Variants in SLF1 observed in about 807,000 individuals in gnomAD.
The protein encoded by SLF1 is SMC5/6 complex localization factor 1.
Under a neutral mutation model 123.0 loss-of-function variants are expected in SLF1, and 105 were observed. That is an observed-to-expected ratio of 0.85 (90% confidence interval 0.73 to 1.00). SLF1 has a LOEUF of 1.00. SLF1 is among the 50% of genes least tolerant of loss of function. The pLI is 0.00. For missense variants in SLF1, 1,239 were observed against 1,223.0 expected, an observed-to-expected ratio of 1.01 and a Z score of -0.20; for synonymous variants, 434 against 406.6, an observed-to-expected ratio of 1.07 and a Z score of -0.81.
intron 9 of SLF1, among the ~76,000 whole-genome samples, chr5:94,655,440 T>G (rs1748261499): frequency 6.6e-6 from 1 of 152,168 alleles, no homozygotes. Flanking sequence ...TAGGGTCTTT[T>G]GCAGTTGTTT....
At chr5:94,645,101 G>C (rs1746868584) in intron 5 of SLF1, among the ~76,000 whole-genome samples, 1 of 152,160 alleles carries the variant, frequency 6.6e-6, no homozygotes. Flanking sequence ...TCACTAGTTA[G>C]GAATGAGCAT....
intron 15 of SLF1, among the ~76,000 whole-genome samples, chr5:94,679,535 G>A (rs1025712696): frequency 6.6e-6 from 1 of 151,902 alleles, no homozygotes; most frequent in African/African-American, 2.4e-5. Context: ...AGGGCTGCAG[G>A]GAGCCATGAT....
chr5:94,653,899 G>A (rs945360619), intron 8 of SLF1, among the ~76,000 whole-genome samples: 3 of 151,694 alleles, frequency 2.0e-5, no homozygotes, highest in Admixed American at 6.6e-5. Flanking sequence ...GGCTGGATGC[G>A]GTGGCTCACA....
intron 3 of SLF1, chr5:94,629,640 C>T (rs892160584): frequency 2.0e-5 from 3 of 151,694 alleles, no homozygotes; most frequent in Admixed American, 6.6e-5. Flanking sequence ...TTAGTCTTCT[C>T]CTCTATCGTT....
intron 15 of SLF1, among the ~76,000 whole-genome samples, chr5:94,684,899 A>G (rs959123581): frequency 1.3e-5 from 2 of 152,188 alleles, no homozygotes; most frequent in Non-Finnish European, 1.5e-5. Context: ...AGTCAAGGCA[A>G]GTTTCTCAGC....
At chr5:94,640,291 T>C (rs1192481412) in intron 4 of SLF1, among the ~76,000 whole-genome samples, 1 of 152,198 alleles carries the variant, frequency 6.6e-6, no homozygotes, top group Admixed American at 6.5e-5. Flanking sequence ...TTCACTTTAA[T>C]TCGTAATTAA....
chr5:94,643,232 A>C (rs1271952219), intron 4 of SLF1, 41 bp from the exon 5 acceptor site: 1 of 1,416,720 alleles, frequency 7.1e-7, no homozygotes. Flanking sequence ...AAAGAAACTC[A>C]AATTTTCTAA....
In SLF1 at chr5:94,679,043, T is replaced by C. The variant is rs911952924; in HGVS notation, c.1975+88T>C. ...TAAGCAGTCTGTAAGCTTTAACATA[T>C]GTTCATTTGAAACTTTCCTTAAAAT... On this transcript the variant is annotated intron_variant, in intron 15 of 20. Transcript: ENST00000265140. 5 of 1,450,798 alleles carry C rather than the reference T, an allele frequency of 3.4e-6. No homozygotes were observed. In the Admixed American group the frequency reaches 8.3e-5, roughly 24 times the overall value. The allele number at this position is 1,450,798 out of a possible 1,614,324, so 89.9% of individuals were successfully genotyped here. A position where few individuals can be genotyped will look rare whatever the true frequency, so the allele number is the denominator to read the frequency against.
intron 14 of SLF1, among the ~76,000 whole-genome samples, chr5:94,672,562 G>A (rs430555): frequency 0.89 from 135,428 of 151,426 alleles, 60,805 homozygotes; most frequent in African/African-American, 0.97. Flanking sequence ...TAGTATTTTC[G>A]TCCAGTTTTT....
intron 14 of SLF1, among the ~76,000 whole-genome samples, chr5:94,676,940 A>G (rs1470683123): frequency 6.6e-6 from 1 of 152,236 alleles, no homozygotes; most frequent in Non-Finnish European, 1.5e-5. Flanking sequence ...GGGCAGGAGA[A>G]ACAAATCCAG....
chr5:94,660,287 C>T (rs993886046), intron 9 of SLF1, among the ~76,000 whole-genome samples: 42 of 152,272 alleles, frequency 2.8e-4, no homozygotes, highest in African/African-American at 7.2e-5. Flanking sequence ...TGACGGTGGG[C>T]GTGGCTGCCA....
At chr5:94,657,074 C>T (rs546440143) in intron 9 of SLF1, among the ~76,000 whole-genome samples, 2 of 149,090 alleles carry the variant, frequency 1.3e-5, no homozygotes, top group South Asian at 2.1e-4. Context: ...TTTATTATTT[C>T]CTTCTACTAA....
intron 9 of SLF1, among the ~76,000 whole-genome samples, chr5:94,655,776 C>G (rs1472572108): frequency 6.6e-6 from 1 of 151,852 alleles, no homozygotes; most frequent in East Asian, 1.9e-4. Flanking sequence ...AGAAATGCTA[C>G]TGATTTTTGA....
In SLF1 at chr5:94,663,783, A is replaced by C. The variant is rs755740764; in HGVS notation, c.1243A>C (p.Asn415His). The C allele has an allele frequency of 1.3e-6, 2 of 1,546,000 alleles. No homozygotes were observed. Among genetic ancestry groups the C allele is most frequent in the Admixed American group, 4.0e-5 (2 of 49,984 alleles). The stretch of plus-strand genomic sequence containing the variant: ...TGCTGAATTTCCCAGAGGTGTATTA[A>C]ATTTAATTGAAAGCCTCATAGAAGG... ...KNAEFPRGVL[N>H]LIESLIEGHF... Residue 415 changes from asparagine to histidine, a missense_variant, in exon 11 of 21, where the codon AAT (asparagine) becomes CAT (histidine). Transcript: ENST00000265140.
At chr5:94,681,560 A>G (rs1041006209) in intron 15 of SLF1, among the ~76,000 whole-genome samples, 1 of 152,160 alleles carries the variant, frequency 6.6e-6, no homozygotes, top group Non-Finnish European at 1.5e-5. Context: ...GGTAAGTTAC[A>G]TATGTATACA....
intron 16 of SLF1, among the ~76,000 whole-genome samples, chr5:94,687,660 G>A (rs1375316513): frequency 1.3e-5 from 2 of 151,866 alleles, no homozygotes; most frequent in African/African-American, 4.8e-5. Context: ...CCACTGTACT[G>A]TAGCCTAGGT....
intron 1 of SLF1, among the ~76,000 whole-genome samples, chr5:94,623,916 A>T (rs1561415162): frequency 6.6e-6 from 1 of 152,178 alleles, no homozygotes; most frequent in Non-Finnish European, 1.5e-5. Context: ...TTCCTGTGTA[A>T]CTGCATGAAT....
intron 15 of SLF1, among the ~76,000 whole-genome samples, chr5:94,683,715 G>C (rs1401104704): frequency 6.6e-6 from 1 of 152,208 alleles, no homozygotes; most frequent in Non-Finnish European, 1.5e-5. Flanking sequence ...AGGGTTAAGG[G>C]AGTTTGTGTA....
At position 94,654,729 on chromosome 5, in the gene SLF1, A is replaced by G; in HGVS notation, c.1132A>G (p.Arg378Gly). The change falls in exon 9 of 21, where the codon AGG becomes GGG. Residue 378 changes from arginine (R) to glycine (G), a missense_variant. By Grantham distance (125) the Arg-to-Gly change is moderately radical. Coordinates refer to ENST00000265140, the MANE Select transcript of SLF1 (RefSeq NM_032290.4). ...VDVVEIKNTL[R>G]KHIYRAQAVR... ...TGTTGTTGAAATAAAAAATACCTTA[A>G]GGAAGCACATATATAGAGCTCAGGT... is the stretch of plus-strand genomic sequence containing the variant. 1 of 1,540,316 alleles carries G rather than the reference A, an allele frequency of 6.5e-7. No individual in the cohort carries two copies. Among genetic ancestry groups the G allele is most frequent in the Non-Finnish European group, 8.8e-7 (1 of 1,141,214 alleles).
Sources: gnomAD v4.1 joint callset for allele counts (sites outside exome capture counted in the v4.1 genomes callset) on GRCh38, gnomAD v4.1.1 for gene constraint, MANE v1.5 for transcripts, NCBI Gene and HGNC (gene_info 2026-07-23, HGNC 2026-07-21) for gene names.